The following COL5A1 variants were observed in gnomAD, a reference collection of about 807,000 sequenced individuals.
The protein encoded by COL5A1 is collagen alpha-1(V) chain.
Under a neutral mutation model 263.7 loss-of-function variants are expected in COL5A1, and 16 were observed. That is an observed-to-expected ratio of 0.06 (90% CI 0.04 to 0.09). The LOEUF is 0.09. Among genes scored for constraint, COL5A1 ranks in the 10% least tolerant of loss-of-function variants. The pLI, the probability that COL5A1 is intolerant of heterozygous loss-of-function variation, is 1.00. For synonymous variants in COL5A1, 1,012 were observed against 1,004.5 expected, an observed-to-expected ratio of 1.01 and a Z score of -0.14; for missense variants, 2,036 against 2,540.5, an observed-to-expected ratio of 0.80 and a Z score of 4.27.
At chr9:134,644,589 C>CTGGG (rs1554773017) in intron 1 of COL5A1, among the ~76,000 whole-genome samples, 1 of 83,968 alleles carries the variant, frequency 1.2e-5, no homozygotes, top group African/African-American at 4.2e-5. Flanking sequence ...GAGGCAGGCG[C>CTGGG]GGGGGGGAGC....
At chr9:134,702,616 C>T (rs535848785) in intron 4 of COL5A1, among the ~76,000 whole-genome samples, 96 of 152,262 alleles carry the variant, frequency 6.3e-4, no homozygotes, top group African/African-American at 2.2e-3. Flanking sequence ...CTCGTGGGGA[C>T]GGGCACGGTT....
intron 10 of COL5A1, 90 bp downstream of exon 10, chr9:134,738,605 G>A: frequency 2.5e-6 from 4 of 1,574,144 alleles, no homozygotes; most frequent in Non-Finnish European, 2.6e-6. Flanking sequence ...GGATGGAAAA[G>A]AGGGGGGCTC....
chr9:134,797,093 G>A (rs2132808862), intron 36 of COL5A1, among the ~76,000 whole-genome samples, 192 bp downstream of exon 36: 1 of 152,386 alleles, frequency 6.6e-6, no homozygotes, highest in East Asian at 1.9e-4. Context: ...CAAGGCGGCT[G>A]TGGGGCAGTC....
rs909365822 is a variant in COL5A1 at position 134,678,572 on chromosome 9, A to G, written c.110-12340A>G. ...GCTTCTCACCACCTGCTGCTCCTCC[A>G]TGGTCTCTTCAGAGCCTGTTTTTAT... is the stretch of plus-strand genomic sequence containing the variant. On this transcript the variant is annotated intron_variant, in intron 1 of 65. Transcript: ENST00000371817. This position sits in a 1 kb window ranked among gnomAD's most constrained non-coding sequence, Gnocchi z 5.5. 1.3e-5 allele frequency among the ~76,000 whole-genome samples: 2 copies of G among 152,090 alleles called. No homozygotes were observed. The highest frequency in any genetic ancestry group is 1.3e-4 in the Admixed American group (2 of 15,282).
At position 134,825,893 on chromosome 9, in the gene COL5A1, A is replaced by G. The variant is rs140796843; in HGVS notation, c.5056A>G (p.Lys1686Glu). Residue 1686 changes from lysine to glutamate, a missense_variant, in exon 63 of 66, where the codon AAG becomes GAG. This residue lies in a region of COL5A1 where 358 missense variants were observed against 384.6 expected (regional missense o/e 0.93). Transcript: ENST00000371817. ...GTCGACATGCGTCTTCCCTGACAAG[A>G]AGTCCGAAGGGGTGAGTAGCTGTGT... ...GGSTCVFPDKKSEGARITSWP... is the reference protein window; with the variant it reads ...GGSTCVFPDKESEGARITSWP... 6.2e-7 allele frequency: 1 copy of G among 1,611,704 alleles called. No individual in the cohort carries two copies. Among genetic ancestry groups the G allele is most frequent in the Non-Finnish European group, 8.5e-7 (1 of 1,178,212 alleles).
chr9:134,671,051 G>A (rs1282259865), intron 1 of COL5A1, among the ~76,000 whole-genome samples: 1 of 152,242 alleles, frequency 6.6e-6, no homozygotes, highest in Admixed American at 6.5e-5. Flanking sequence ...CTTTGGGGCC[G>A]CAGCCTGACT....
chr9:134,702,153 T>C (rs7038395), intron 4 of COL5A1, among the ~76,000 whole-genome samples: 50,395 of 152,106 alleles, frequency 0.33, 8,746 homozygotes, highest in Non-Finnish European at 0.38. Context: ...GACCGTTGCC[T>C]CCGCGGCTTG....
At position 134,652,049 on chromosome 9, in the gene COL5A1, A is replaced by C. The variant is rs1831705865; in HGVS notation, c.109+9753A>C. ...GGTATTAAGGAAAGGAGAAAGTGAC[A>C]CTGACTCTTCTCAGAGCCTTTGGCT... is the stretch of plus-strand genomic sequence containing the variant. On this transcript the variant is annotated intron_variant, in intron 1 of 65. Coordinates refer to ENST00000371817, the MANE Select transcript of COL5A1 (RefSeq NM_000093.5). This position sits in a 1 kb window ranked among gnomAD's most constrained non-coding sequence, Gnocchi z 4.4. 6.6e-6 allele frequency among the ~76,000 whole-genome samples: 1 copy of C among 152,092 alleles called. No homozygotes were observed. The highest frequency in any genetic ancestry group is 6.5e-5 in the Admixed American group (1 of 15,274).
chr9:134,675,186 C>T (rs975886505), intron 1 of COL5A1, among the ~76,000 whole-genome samples: 8 of 152,102 alleles, frequency 5.3e-5, no homozygotes, highest in Admixed American at 2.6e-4. Flanking sequence ...TTTGATTAAG[C>T]ATTTGTATTC....
Position 134,761,818 on chromosome 9 carries a change from A to G in COL5A1, c.1936-107A>G, listed in dbSNP as rs1836454433. 8.8e-6 allele frequency: 10 copies of G among 1,131,034 alleles called. No homozygotes were observed. The Admixed American group carries it at 1.0e-4, about 11-fold the overall frequency. The allele number at this position is 1,131,034 out of a possible 1,614,324, so 70.1% of individuals were successfully genotyped here. On this transcript the variant is annotated intron_variant, in intron 18 of 65. Coordinates refer to ENST00000371817, the MANE Select transcript of COL5A1 (RefSeq NM_000093.5). ...CCCCATTCTGGAAGGGTCTTTTGAGAGCTTGGGAATCTTACTGTCAGAATT... is the reference window on the plus strand; with the variant it reads ...CCCCATTCTGGAAGGGTCTTTTGAGGGCTTGGGAATCTTACTGTCAGAATT...
At chr9:134,802,040 A>T (rs199733813) in intron 38 of COL5A1, 33 bp downstream of exon 38, 6 of 1,602,454 alleles carry the variant, frequency 3.7e-6, no homozygotes, top group Non-Finnish European at 4.3e-6. Flanking sequence ...TCCATGGGTC[A>T]CTCGGTGTCA....
chr9:134,763,887 G>A lies in COL5A1; in HGVS notation c.2034+150G>A, dbSNP rs141957035. 2,410 of 787,084 alleles carry A rather than the reference G, an allele frequency of 3.1e-3. 11 individuals carry two copies. Among genetic ancestry groups the A allele is most frequent in the Middle Eastern group, 0.011 (28 of 2,566 alleles). The allele number at this position is 787,084 out of a possible 1,614,324, so 48.8% of individuals were successfully genotyped here. Reference sequence around the variant, plus strand: ...ACAGACGGACCTGGGCATCTCCCAGGGAAGCCAAAGAGAGGAGGCACAGGC... The same window carrying A: ...ACAGACGGACCTGGGCATCTCCCAGAGAAGCCAAAGAGAGGAGGCACAGGC... On this transcript the variant is annotated intron_variant, in intron 20 of 65. Transcript: ENST00000371817.
intron 9 of COL5A1, among the ~76,000 whole-genome samples, chr9:134,735,071 G>A (rs1250802946): frequency 6.6e-6 from 1 of 152,038 alleles, no homozygotes; most frequent in Non-Finnish European, 1.5e-5. Flanking sequence ...AAATTAACCA[G>A]GTGTGGTGGT....
intron 4 of COL5A1, among the ~76,000 whole-genome samples, chr9:134,708,144 T>C (rs754115556): frequency 2.0e-5 from 3 of 152,062 alleles, no homozygotes; most frequent in Admixed American, 1.3e-4. Flanking sequence ...AGGGGCACAT[T>C]TGGGGGGCTG....
At chr9:134,729,569 T>TGTGA (rs762165794) in intron 6 of COL5A1, among the ~76,000 whole-genome samples, 11,433 of 57,208 alleles carry the variant, frequency 0.2, 787 homozygotes, top group Middle Eastern at 0.29. Context: ...CCTGTGTGTG[T>TGTGA]GAGCGTGTGT....
rs73664133 is a variant in COL5A1 at position 134,763,993 on chromosome 9, C to T, written c.2034+256C>T. Among the ~76,000 whole-genome samples the T allele has an allele frequency of 0.1, 14,733 of 146,148 alleles. 1,199 individuals are homozygous for T. The highest frequency in any genetic ancestry group is 0.25 in the East Asian group (1,185 of 4,694). ...GGCCCTCAAGGGTTGTTGTGGGGGT[C>T]CAGGGGCAGCGTGGTGGGGTCTGGG... is the stretch of plus-strand genomic sequence containing the variant. On this transcript the variant is annotated intron_variant, in intron 20 of 65. Transcript: ENST00000371817.
chr9:134,826,001 G>A lies in COL5A1; in HGVS notation c.5067+97G>A. 8 of 722,544 alleles carry A rather than the reference G, an allele frequency of 1.1e-5. No homozygotes were observed. In the South Asian group the frequency reaches 1.3e-4, roughly 11 times the overall value. 44.8% of individuals were successfully genotyped at this position (722,544 alleles called of 1,614,324 possible). On this transcript the variant is annotated intron_variant, in intron 63 of 65. Transcript: ENST00000371817. ...GCATTTCTTGTATATGCAGCTTTAA[G>A]ACTGAAAGCCAGAAATGAATCCGTT...
chr9:134,696,095 G>A lies in COL5A1; in HGVS notation c.278-3814G>A, dbSNP rs147729682. Among the ~76,000 whole-genome samples, 475 of 152,126 alleles carry A rather than the reference G, an allele frequency of 3.1e-3. 1 individual carries two copies. Among genetic ancestry groups the A allele is most frequent in the African/African-American group, 0.011 (449 of 41,504 alleles). On this transcript the variant is annotated intron_variant, in intron 2 of 65. Coordinates refer to ENST00000371817, the MANE Select transcript of COL5A1 (RefSeq NM_000093.5). The surrounding 1 kb of genome is among the most constrained non-coding windows in gnomAD (Gnocchi z 4.3). ...GTTCCTGGCCCCCTGTCCAAAGTTA[G>A]CCACACCCCGCATTCATTTCCTATC...
rs563774646 is a variant in COL5A1, at chr9:134,762,205, G to A, written c.1989+227G>A. On this transcript the variant is annotated intron_variant, in intron 19 of 65. Coordinates refer to ENST00000371817, the MANE Select transcript of COL5A1 (RefSeq NM_000093.5). Reference sequence around the variant, plus strand: ...GACTGCAACGTTTAGTTACTCCATCGGTCCTGCTGATGGATGGAGCTCGGG... The same window carrying A: ...GACTGCAACGTTTAGTTACTCCATCAGTCCTGCTGATGGATGGAGCTCGGG... Among the ~76,000 whole-genome samples, 33 of 152,334 alleles carry A rather than the reference G, an allele frequency of 2.2e-4. No homozygotes were observed. In the South Asian group the frequency reaches 6.8e-3, roughly 32 times the overall value.
Sources: allele counts gnomAD v4.1 joint callset (sites outside exome capture counted in the v4.1 genomes callset), GRCh38; gene constraint gnomAD v4.1.1; regional missense constraint gnomAD v4.1.1; non-coding constraint Gnocchi (gnomAD v3.1); transcripts MANE v1.5; gene names NCBI Gene and HGNC (gene_info 2026-07-23, HGNC 2026-07-21).